Variants in PDZD2 observed in about 807,000 individuals in gnomAD.
PDZD2 encodes PDZ domain containing 2.
PDZD2 carries 90 observed loss-of-function variants against 220.7 expected under a neutral mutation model. The ratio of observed to expected loss-of-function variants is 0.41; its 90% CI spans 0.34 to 0.49. The LOEUF is 0.49. Among genes scored for constraint, PDZD2 ranks in the 20% least tolerant of loss-of-function variants. The pLI, the probability that PDZD2 is intolerant of heterozygous loss-of-function variation, is 0.28. For synonymous variants in PDZD2, 1,375 were observed against 1,450.5 expected (o/e 0.95, Z 1.18); for missense variants, 3,174 against 3,608.5 (o/e 0.88, Z 3.08).
At chr5:32,033,190 C>G (rs1755258097) in intron 6 of PDZD2, among the ~76,000 whole-genome samples, 1 of 152,162 alleles carries the variant, frequency 6.6e-6, no homozygotes, top group Non-Finnish European at 1.5e-5. Flanking sequence ...TTCAGAACAG[C>G]TAAAATGACA....
chr5:32,062,841 TG>T (rs1739819468), intron 14 of PDZD2, among the ~76,000 whole-genome samples: 1 of 152,128 alleles, frequency 6.6e-6, no homozygotes, highest in Admixed American at 6.5e-5. Flanking sequence ...ATACTGGTTT[TG>T]CTTGTTCCTC....
intron 1 of PDZD2, among the ~76,000 whole-genome samples, chr5:31,658,308 A>C (rs1269340222): frequency 6.6e-6 from 1 of 152,144 alleles, no homozygotes; most frequent in African/African-American, 2.4e-5. Flanking sequence ...TGATCAGCGG[A>C]AACTCCGTTC....
intron 9 of PDZD2, 119 bp from the exon 10 acceptor site, chr5:32,053,650 G>A: frequency 1.5e-6 from 1 of 673,760 alleles, no homozygotes; most frequent in Non-Finnish European, 2.7e-6. Context: ...GGTTAGGGAG[G>A]GCACTTCAGT....
chr5:31,829,650 A>C (rs1756442726), intron 2 of PDZD2, among the ~76,000 whole-genome samples: 1 of 152,044 alleles, frequency 6.6e-6, no homozygotes, highest in East Asian at 1.9e-4. Context: ...ACCATCACCC[A>C]AACTGAGAAA....
chr5:31,689,353 A>ATATATATTTTTTTTTTTTT, intron 1 of PDZD2, among the ~76,000 whole-genome samples: 2 of 35,142 alleles, frequency 5.7e-5, no homozygotes, highest in Non-Finnish European at 8.4e-5. Flanking sequence ...ATATATATAT[A>ATATATATTTTTTTTTTTTT]TTTTTTTTTT....
At chr5:31,951,659 G>A (rs771338964) in intron 2 of PDZD2, among the ~76,000 whole-genome samples, 6 of 152,210 alleles carry the variant, frequency 3.9e-5, no homozygotes, top group Non-Finnish European at 7.3e-5. Context: ...ATGTGCCACA[G>A]TTGGTTTATC....
chr5:31,855,264 G>A (rs1262623755), intron 2 of PDZD2: 6 of 311,152 alleles, frequency 1.9e-5, no homozygotes, highest in African/African-American at 1.3e-4. Context: ...TGGAGATTTA[G>A]CCACAGCCTC....
intron 19 of PDZD2, among the ~76,000 whole-genome samples, chr5:32,082,666 G>T (rs1742083996): frequency 6.6e-6 from 1 of 152,176 alleles, no homozygotes; most frequent in African/African-American, 2.4e-5. Context: ...AAACATATAT[G>T]TGTGTATATA....
intron 2 of PDZD2, among the ~76,000 whole-genome samples, chr5:31,932,803 C>G (rs1184806938): frequency 6.6e-6 from 1 of 152,270 alleles, no homozygotes; most frequent in African/African-American, 2.4e-5. Flanking sequence ...CACCATTCTA[C>G]TTTCTGTCTC....
chr5:32,007,050 G>T (rs982648742), intron 5 of PDZD2, among the ~76,000 whole-genome samples: 1 of 151,686 alleles, frequency 6.6e-6, no homozygotes, highest in African/African-American at 2.4e-5. Context: ...TGAGTAGCAG[G>T]GACTACAGGC....
intron 1 of PDZD2, among the ~76,000 whole-genome samples, chr5:31,789,001 A>G (rs762954417): frequency 2.6e-5 from 4 of 152,226 alleles, no homozygotes; most frequent in Admixed American, 6.5e-5. Flanking sequence ...GTGAAAAGTG[A>G]ATGAAAGCAA....
In PDZD2 at chr5:31,791,606, A is replaced by G. The variant is rs1753734577; in HGVS notation, c.-360-7283A>G. Among the ~76,000 whole-genome samples the G allele has an allele frequency of 1.3e-5, 2 of 151,070 alleles. 1 individual carries two copies. Among genetic ancestry groups the G allele is most frequent in the African/African-American group, 4.8e-5 (2 of 41,326 alleles). ...ACTCCGTCTCAAAAAAAAAAAAAAAAAAAAAAAAGGTTAAAAAAGAAAAAG... is the reference window on the plus strand; with the variant it reads ...ACTCCGTCTCAAAAAAAAAAAAAAAGAAAAAAAAGGTTAAAAAAGAAAAAG... On this transcript the variant is annotated intron_variant, in intron 1 of 24. Coordinates refer to ENST00000438447, the MANE Select transcript of PDZD2 (RefSeq NM_178140.4).
rs142135387 is a variant in PDZD2, at chr5:32,079,814, A to G, written c.3682+2208A>G. On this transcript the variant is annotated intron_variant, in intron 19 of 24. Transcript: ENST00000438447. ...CAAAAAGAGCGAGACTCCGTCTCAG[A>G]AAAAAAAAGAAAAAAGTGAAACCCC... 2.9e-3 allele frequency among the ~76,000 whole-genome samples: 445 copies of G among 151,460 alleles called. 2 individuals are homozygous for G. Among genetic ancestry groups the G allele is most frequent in the African/African-American group, 0.01 (432 of 41,330 alleles).
chr5:31,791,998 G>A (rs1753757782), intron 1 of PDZD2, among the ~76,000 whole-genome samples: 1 of 152,198 alleles, frequency 6.6e-6, no homozygotes, highest in African/African-American at 2.4e-5. Context: ...CTAAAGGAAT[G>A]TTGGTGTAAC....
At chr5:32,004,484 G>A (rs549958074) in intron 5 of PDZD2, among the ~76,000 whole-genome samples, 1 of 152,342 alleles carries the variant, frequency 6.6e-6, no homozygotes, top group Non-Finnish European at 1.5e-5. Context: ...CGTGCTACTT[G>A]GGAGGCTGAA....
chr5:31,752,090 T>TTTTTTTTC (rs1554070603), intron 1 of PDZD2, among the ~76,000 whole-genome samples: 1 of 144,062 alleles, frequency 6.9e-6, no homozygotes, highest in African/African-American at 2.6e-5. Context: ...TTTTTTTTTT[T>TTTTTTTTC]CTGAGACAAG....
chr5:31,954,155 A>C (rs1561177905), intron 2 of PDZD2, among the ~76,000 whole-genome samples: 1 of 151,822 alleles, frequency 6.6e-6, no homozygotes, highest in African/African-American at 2.4e-5. Flanking sequence ...TGGTTTTGCG[A>C]GTGGTGTGAA....
At chr5:31,977,622 C>T (rs1233092308) in intron 2 of PDZD2, among the ~76,000 whole-genome samples, 1 of 152,168 alleles carries the variant, frequency 6.6e-6, no homozygotes, top group African/African-American at 2.4e-5. Flanking sequence ...AGATAAGGCA[C>T]CTTTTGCGGG....
At chr5:31,818,117 G>A (rs1345404881) in intron 2 of PDZD2, among the ~76,000 whole-genome samples, 1 of 151,846 alleles carries the variant, frequency 6.6e-6, no homozygotes, top group African/African-American at 2.4e-5. Context: ...CTACAGGTGC[G>A]TGTCACAAGG....
Sources: gnomAD v4.1 joint callset for allele counts (sites outside exome capture counted in the v4.1 genomes callset) on GRCh38, gnomAD v4.1.1 for gene constraint, MANE v1.5 for transcripts, NCBI Gene and HGNC (gene_info 2026-07-23, HGNC 2026-07-21) for gene names.